Variants in MYH9 observed in about 807,000 individuals in gnomAD.
MYH9 encodes myosin-9.
A neutral mutation model predicts 241.9 loss-of-function variants in MYH9; 29 were observed. The ratio of observed to expected loss-of-function variants is 0.12; its 90% confidence interval spans 0.09 to 0.16. The LOEUF (loss-of-function observed/expected upper bound fraction) is 0.16, where lower values mean the gene tolerates loss of function less well. Among genes scored for constraint, MYH9 ranks in the 10% least tolerant of loss-of-function variants. MYH9 has a pLI of 1.00. For synonymous variants in MYH9, 1,047 were observed against 1,062.6 expected, an observed-to-expected ratio of 0.99 and a Z score of 0.29; for missense variants, 1,803 against 2,595.5, an observed-to-expected ratio of 0.69 and a Z score of 6.63.
chr22:36,327,547 C>T (rs377155365), intron 3 of MYH9, 59 bp from the exon 4 acceptor site: 135 of 1,603,734 alleles, frequency 8.4e-5, no homozygotes, highest in Non-Finnish European at 1.0e-4. Context: ...CCCCACCTTG[C>T]TCCCAAAGAG....
rs1044704547 is a variant in MYH9 at position 36,319,885 on chromosome 22, C to G, written c.1013-250G>C. The G allele has an allele frequency of 1.5e-5, 9 of 619,244 alleles. No homozygotes were observed. In the Admixed American group the frequency reaches 2.4e-4, roughly 17 times the overall value. The allele number at this position is 619,244 out of a possible 1,614,324, so 38.4% of individuals were successfully genotyped here. On this transcript the variant is annotated intron_variant, in intron 9 of 40. Coordinates refer to ENST00000216181, the MANE Select transcript of MYH9 (RefSeq NM_002473.6). ...CCATTCATGCTGGGCTTCACCAGCA[C>G]AAAGCACCCATCTATCCCCAGCTTC...
chr22:36,328,662 T>C (rs1432211134), intron 3 of MYH9, among the ~76,000 whole-genome samples: 1 of 152,260 alleles, frequency 6.6e-6, no homozygotes, highest in Non-Finnish European at 1.5e-5. Flanking sequence ...GGTTGCTGTC[T>C]ATACCGACTT....
Position 36,300,976 on chromosome 22 carries a change from G to A in MYH9, c.2713C>T (p.Arg905Cys), listed in dbSNP as rs377115843. The change falls in exon 22 of 41, where the codon CGC (arginine) becomes TGC (cysteine). Residue 905 changes from arginine (R) to cysteine (C), a missense_variant. By Grantham distance (180) the Arg-to-Cys change is radical. Around this residue, in one of 11 missense-constraint regions of MYH9, gnomAD observed 290 missense variants for 360.5 expected, o/e 0.80. Transcript: ENST00000216181. This position sits in a 1 kb window ranked among gnomAD's most constrained non-coding sequence, Gnocchi z 5.0. ...LCAEAEELRARLTAKKQELEE... is the reference protein window; with the variant it reads ...LCAEAEELRACLTAKKQELEE... ...AATTCCTGCTTCTTGGCGGTCAGGC[G>A]GGCCCGGAGCTCCTCAGCCTCGGCA... 96 of 1,611,578 alleles carry A rather than the reference G, an allele frequency of 6.0e-5. No homozygotes were observed. The highest frequency in any genetic ancestry group is 3.5e-4 in the South Asian group (32 of 91,078).
In MYH9 at chr22:36,300,469, CCA is replaced by C. The variant is rs954253299; in HGVS notation, c.2839-207_2839-206del. 1.3e-5 allele frequency among the ~76,000 whole-genome samples: 2 copies of C among 152,234 alleles called. No homozygotes were observed. The highest frequency in any genetic ancestry group is 4.8e-5 in the African/African-American group (2 of 41,456). The stretch of plus-strand genomic sequence containing the variant: ...GGGCCCAAGCCCCATTTGTAGGATT[CCA>C]GATTTCAAACTGGGACACAGGGCCA... On this transcript the variant is annotated intron_variant, in intron 22 of 40. Transcript: ENST00000216181. This position sits in a 1 kb window ranked among gnomAD's most constrained non-coding sequence, Gnocchi z 5.0.
intron 1 of MYH9, among the ~76,000 whole-genome samples, chr22:36,350,576 T>A (rs1179218463): frequency 6.6e-6 from 1 of 152,258 alleles, no homozygotes; most frequent in Non-Finnish European, 1.5e-5. Flanking sequence ...TATATATCTG[T>A]ATGGTTTTAT....
intron 1 of MYH9, among the ~76,000 whole-genome samples, chr22:36,357,485 A>G (rs935901350): frequency 6.6e-6 from 1 of 152,134 alleles, no homozygotes; most frequent in Non-Finnish European, 1.5e-5. Context: ...CCTGGCCTCT[A>G]CCCACTAGAT....
At chr22:36,342,727 A>AG (rs2017609652) in intron 2 of MYH9, among the ~76,000 whole-genome samples, 1 of 152,060 alleles carries the variant, frequency 6.6e-6, no homozygotes, top group Non-Finnish European at 1.5e-5. Flanking sequence ...TCTTCAAGCA[A>AG]CTGGAGTGAC....
chr22:36,377,010 C>T (rs1022710683), intron 1 of MYH9, among the ~76,000 whole-genome samples: 5 of 151,808 alleles, frequency 3.3e-5, no homozygotes, highest in African/African-American at 1.2e-4. Flanking sequence ...TTGCAGTGAG[C>T]CAAGATCGTG....
At chr22:36,347,319 T>G (rs1233551534) in intron 2 of MYH9, among the ~76,000 whole-genome samples, 2 of 151,806 alleles carry the variant, frequency 1.3e-5, no homozygotes. Context: ...TGGTCAAGCC[T>G]GGCAAGGGAC....
intron 1 of MYH9, among the ~76,000 whole-genome samples, chr22:36,378,204 G>A (rs539079182): frequency 1.3e-5 from 2 of 152,132 alleles, no homozygotes; most frequent in South Asian, 2.1e-4. Context: ...TGAGACGGAG[G>A]CCGAGGCTGT....
intron 5 of MYH9, 80 bp from the exon 6 acceptor site, chr22:36,322,601 T>C: frequency 1.4e-6 from 2 of 1,391,322 alleles, no homozygotes; most frequent in South Asian, 1.2e-5. Context: ...AGGGGGACGA[T>C]GGCAGAGCCG....
chr22:36,288,449 A>G lies in MYH9; in HGVS notation c.4771-36T>C. 1 of 1,603,164 alleles carries G rather than the reference A, an allele frequency of 6.2e-7. No individual in the cohort carries two copies. Among genetic ancestry groups the G allele is most frequent in the African/African-American group, 1.3e-5 (1 of 74,946 alleles). On this transcript the variant is annotated intron_variant, in intron 33 of 40. Coordinates refer to ENST00000216181, the MANE Select transcript of MYH9 (RefSeq NM_002473.6). The surrounding 1 kb of genome is among the most constrained non-coding windows in gnomAD (Gnocchi z 4.8). The stretch of plus-strand genomic sequence containing the variant: ...GAACATCAACAACTTGGGAAGCTGG[A>G]CCCACTGGGAGACCCTGCCCTAGCT...
At chr22:36,333,564 G>T (rs1320649529) in intron 3 of MYH9, among the ~76,000 whole-genome samples, 2 of 152,200 alleles carry the variant, frequency 1.3e-5, no homozygotes, top group African/African-American at 4.8e-5. Flanking sequence ...GTCCACACGG[G>T]GCTGACAGCC....
chr22:36,282,529 TGGG>T lies in MYH9; in HGVS notation c.*136_*138del, dbSNP rs1248186928. 1.2e-6 allele frequency: 1 copy of T among 839,282 alleles called. No individual in the cohort carries two copies. The highest frequency in any genetic ancestry group is 1.7e-5 in the African/African-American group (1 of 58,556). 52.0% of individuals were successfully genotyped at this position (839,282 alleles called of 1,614,324 possible). A position where few individuals can be genotyped will look rare whatever the true frequency, so the allele number is the denominator to read the frequency against. On this transcript the variant is annotated 3_prime_UTR_variant, in exon 41 of 41. Transcript: ENST00000216181. ...CAACAACACCTGGAGGGAAACGGGA[TGGG>T]GGGACGGGGCGGAGGGCAGGAGGAG...
chr22:36,359,829 G>A lies in MYH9; in HGVS notation c.-19-10574C>T, dbSNP rs552860527. 7.2e-5 allele frequency among the ~76,000 whole-genome samples: 11 copies of A among 152,298 alleles called. No homozygotes were observed. The East Asian group carries it at 2.1e-3, about 29-fold the overall frequency. ...CAACCTTTGGTATCAACTCAGAAGT[G>A]ACAGACAGAAGTGGAAAAACCACAG... On this transcript the variant is annotated intron_variant, in intron 1 of 40. Coordinates refer to ENST00000216181, the MANE Select transcript of MYH9 (RefSeq NM_002473.6).
At chr22:36,368,086 C>T (rs1322135689) in intron 1 of MYH9, among the ~76,000 whole-genome samples, 1 of 152,198 alleles carries the variant, frequency 6.6e-6, no homozygotes, top group East Asian at 1.9e-4. Flanking sequence ...TGGAGGTAAG[C>T]GCTGGATTCT....
intron 14 of MYH9, among the ~76,000 whole-genome samples, chr22:36,311,235 G>A (rs2146353656): frequency 6.6e-6 from 1 of 152,324 alleles, no homozygotes; most frequent in East Asian, 1.9e-4. Context: ...ACTAAGTTGG[G>A]TCTAAGCCCC....
At position 36,300,409 on chromosome 22, in the gene MYH9, G is replaced by C; in HGVS notation, c.2839-145C>G. 1 of 1,198,338 alleles carries C rather than the reference G, an allele frequency of 8.3e-7. No individual in the cohort carries two copies. Among genetic ancestry groups the C allele is most frequent in the East Asian group, 2.5e-5 (1 of 40,190 alleles). The allele number at this position is 1,198,338 out of a possible 1,614,324, so 74.2% of individuals were successfully genotyped here. A position where few individuals can be genotyped will look rare whatever the true frequency, so the allele number is the denominator to read the frequency against. On this transcript the variant is annotated intron_variant, in intron 22 of 40. Transcript: ENST00000216181. This position sits in a 1 kb window ranked among gnomAD's most constrained non-coding sequence, Gnocchi z 5.0. ...CAGGGCCATGGCTGAGGTGGGGACG[G>C]CAAGGTCCGCCAGCCCAGGGCCACA...
In MYH9 at chr22:36,300,700, G is replaced by A. The variant is rs2016862732; in HGVS notation, c.2838+151C>T. ...CATGTCACAAACTACCAGCCCAAAGGGAACACCTCTCACTGAGAGCCCCAA... is the reference window on the plus strand; with the variant it reads ...CATGTCACAAACTACCAGCCCAAAGAGAACACCTCTCACTGAGAGCCCCAA... On this transcript the variant is annotated intron_variant, in intron 22 of 40. Coordinates refer to ENST00000216181, the MANE Select transcript of MYH9 (RefSeq NM_002473.6). This position sits in a 1 kb window ranked among gnomAD's most constrained non-coding sequence, Gnocchi z 5.0. The A allele has an allele frequency of 1.2e-6, 1 of 860,262 alleles. No individual in the cohort carries two copies. 53.3% of individuals were successfully genotyped at this position (860,262 alleles called of 1,614,324 possible). A position where few individuals can be genotyped will look rare whatever the true frequency, so the allele number is the denominator to read the frequency against.
Sources: allele counts gnomAD v4.1 joint callset (sites outside exome capture counted in the v4.1 genomes callset), GRCh38; gene constraint gnomAD v4.1.1; regional missense constraint gnomAD v4.1.1; non-coding constraint Gnocchi (gnomAD v3.1); transcripts MANE v1.5; gene names NCBI Gene and HGNC (gene_info 2026-07-23, HGNC 2026-07-21).